Variants in ZNF140 observed in about 807,000 individuals in gnomAD.
ZNF140 encodes zinc finger protein 140.
ZNF140 carries 13 observed loss-of-function variants against 12.9 expected under a neutral mutation model. That is an observed-to-expected ratio of 1.01 (90% CI 0.66 to 1.60). The LOEUF (loss-of-function observed/expected upper bound fraction) is 1.60, where lower values mean the gene tolerates loss of function less well. Ranked by LOEUF, ZNF140 falls within the 40% of genes most tolerant of loss-of-function variation. ZNF140 has a pLI of 0.00. For missense variants in ZNF140, 531 were observed against 548.8 expected (o/e 0.97, Z 0.32); for synonymous variants, 214 against 186.7 (o/e 1.15, Z -1.19).
Position 133,097,055 on chromosome 12 carries a change from A to G in ZNF140, c.233-8455A>G, listed in dbSNP as rs555239214. Among the ~76,000 whole-genome samples the G allele has an allele frequency of 8.5e-5, 13 of 152,352 alleles. No homozygotes were observed. In the South Asian group the frequency reaches 2.7e-3, roughly 32 times the overall value. Reference sequence around the variant, plus strand: ...GTTTGTTGTTAGGCACATGCACACTAAGGATTTTTATGATTTCTTTCTTGG... The same window carrying G: ...GTTTGTTGTTAGGCACATGCACACTGAGGATTTTTATGATTTCTTTCTTGG... On this transcript the variant is annotated intron_variant, in intron 4 of 4. Transcript: ENST00000355557.
chr12:133,091,055 T>C lies in ZNF140; in HGVS notation c.232+7494T>C, dbSNP rs894634947. Among the ~76,000 whole-genome samples the C allele has an allele frequency of 2.2e-3, 328 of 149,246 alleles. 13 individuals are homozygous for C. The highest frequency in any genetic ancestry group is 7.1e-3 in the African/African-American group (286 of 40,400). On this transcript the variant is annotated intron_variant, in intron 4 of 4. Coordinates refer to ENST00000355557, the MANE Select transcript of ZNF140 (RefSeq NM_003440.4). The stretch of plus-strand genomic sequence containing the variant: ...CAGACAGGAGACAGTGGCCTTCCTC[T>C]ATCTCAACTGCAAGAGGCTTTCCTC...
intron 4 of ZNF140, among the ~76,000 whole-genome samples, chr12:133,104,836 T>G (rs1955525521): frequency 1.3e-5 from 2 of 152,308 alleles, no homozygotes; most frequent in East Asian, 1.9e-4. Flanking sequence ...TAAAGGTTAC[T>G]CATGTTACAT....
At chr12:133,101,502 T>G (rs1319455272) in intron 4 of ZNF140, among the ~76,000 whole-genome samples, 2 of 152,348 alleles carry the variant, frequency 1.3e-5, no homozygotes, top group South Asian at 2.1e-4. Context: ...TGGAGTGCAG[T>G]GGCGCGATCT....
At chr12:133,082,775 TA>T in intron 2 of ZNF140, 1 of 198,754 alleles carries the variant, frequency 5.0e-6, no homozygotes, top group Admixed American at 5.2e-5. Context: ...ATACATTGTT[TA>T]TTAACATAAA....
intron 4 of ZNF140, among the ~76,000 whole-genome samples, chr12:133,085,068 A>G (rs1308883800): frequency 6.6e-6 from 1 of 150,958 alleles, no homozygotes; most frequent in East Asian, 1.9e-4. Context: ...CTTGCCCCCT[A>G]GGCTGGAGTG....
chr12:133,099,753 A>G (rs1955268077), intron 4 of ZNF140, among the ~76,000 whole-genome samples: 1 of 152,212 alleles, frequency 6.6e-6, no homozygotes, highest in African/African-American at 2.4e-5. Context: ...TTCTTCATGT[A>G]GGTCTGAGTT....
At chr12:133,104,025 A>G (rs1472496895) in intron 4 of ZNF140, among the ~76,000 whole-genome samples, 1 of 152,250 alleles carries the variant, frequency 6.6e-6, no homozygotes, top group Non-Finnish European at 1.5e-5. Flanking sequence ...TATGAATTAA[A>G]TATTTCATCA....
intron 4 of ZNF140, among the ~76,000 whole-genome samples, chr12:133,089,780 T>C (rs1954795022): frequency 6.6e-6 from 1 of 152,172 alleles, no homozygotes; most frequent in Admixed American, 6.5e-5. Flanking sequence ...TTTAATTATC[T>C]TTTCAGAGAA....
At chr12:133,090,072 C>T (rs1433235357) in intron 4 of ZNF140, among the ~76,000 whole-genome samples, 2 of 152,144 alleles carry the variant, frequency 1.3e-5, no homozygotes, top group East Asian at 3.9e-4. Context: ...TGGTCTTGAA[C>T]TCCTGACCTC....
chr12:133,083,231 T>TA lies in ZNF140; in HGVS notation c.136+4dup, dbSNP rs1339803432. 1.2e-6 allele frequency: 2 copies of TA among 1,608,528 alleles called. No homozygotes were observed. Among genetic ancestry groups the TA allele is most frequent in the African/African-American group, 2.7e-5 (2 of 74,734 alleles). Reference sequence around the variant, plus strand: ...ACTATGGCCATCTGGTCTCACTGGGTAAGTATTCTTCTTCATCTCCCTCAA... The same window carrying TA: ...ACTATGGCCATCTGGTCTCACTGGGTAAAGTATTCTTCTTCATCTCCCTCAA... On this transcript the variant is annotated splice_region_variant and intron_variant, in intron 3 of 4. Transcript: ENST00000355557.
At chr12:133,090,923 T>C (rs910983382) in intron 4 of ZNF140, among the ~76,000 whole-genome samples, 19 of 144,696 alleles carry the variant, frequency 1.3e-4, no homozygotes, top group South Asian at 6.7e-4. Flanking sequence ...CAAGGCAGCA[T>C]TACTGCAAAC....
chr12:133,081,803 A>G (rs1046798431), intron 2 of ZNF140: 11 of 247,284 alleles, frequency 4.4e-5, no homozygotes, highest in Non-Finnish European at 8.2e-5. Context: ...TCATTTATTC[A>G]ATATGTTTTT....
rs1330925381 is a variant in ZNF140 at position 133,105,568 on chromosome 12, C to G, written c.291C>G (p.Asp97Glu). 2.5e-6 allele frequency: 4 copies of G among 1,613,772 alleles called. No individual in the cohort carries two copies. In the South Asian group the frequency reaches 3.3e-5, roughly 13 times the overall value. ...CACCAAAAAATGTCATTTATGATGA[C>G]TCATCCCAGTATTTGATCATGGAAA... ...DFSPKNVIYD[D>E]SSQYLIMERI... The change falls in exon 5 of 5, where the codon GAC (aspartate) becomes GAG (glutamate). Residue 97 changes from aspartate (D) to glutamate (E), a missense_variant. By Grantham distance (45) the Asp-to-Glu change is conservative (BLOSUM62 2). Transcript: ENST00000355557.
At chr12:133,081,244 C>T (rs1165202760) in intron 1 of ZNF140, 29 bp from the exon 2 acceptor site, 17 of 1,346,424 alleles carry the variant, frequency 1.3e-5, no homozygotes, top group Non-Finnish European at 1.8e-5. Context: ...CTGGCCTGTT[C>T]GCTCAGGGCT....
intron 4 of ZNF140, chr12:133,084,062 C>T: frequency 2.7e-6 from 1 of 364,992 alleles, no homozygotes; most frequent in Non-Finnish European, 5.2e-6. Context: ...TATTACCTAA[C>T]AGCTGACATA....
In ZNF140 at chr12:133,107,414, T is replaced by G; in HGVS notation, c.*763T>G. On this transcript the variant is annotated 3_prime_UTR_variant, in exon 5 of 5. Transcript: ENST00000355557. ...TCAGAAAATGTTATAAATAAATCTTTTGGTTTATTATAAACCTTCTGCTTG... is the reference window on the plus strand; with the variant it reads ...TCAGAAAATGTTATAAATAAATCTTGTGGTTTATTATAAACCTTCTGCTTG... The G allele has an allele frequency of 6.8e-6, 1 of 148,110 alleles. No individual in the cohort carries two copies. The highest frequency in any genetic ancestry group is 1.5e-5 in the Non-Finnish European group (1 of 67,998). The allele number at this position is 148,110 out of a possible 1,614,324, so 9.2% of individuals were successfully genotyped here. A position where few individuals can be genotyped will look rare whatever the true frequency, so the allele number is the denominator to read the frequency against.
chr12:133,097,408 C>A (rs1955167317), intron 4 of ZNF140, among the ~76,000 whole-genome samples: 1 of 151,956 alleles, frequency 6.6e-6, no homozygotes, highest in Non-Finnish European at 1.5e-5. Flanking sequence ...CTATGGGAGG[C>A]CAAGGTGGGC....
chr12:133,105,843 A>G lies in ZNF140; in HGVS notation c.566A>G (p.Tyr189Cys), dbSNP rs1229675525. 3.1e-6 allele frequency: 5 copies of G among 1,614,208 alleles called. No homozygotes were observed. Among genetic ancestry groups the G allele is most frequent in the South Asian group, 1.1e-5 (1 of 91,084 alleles). Reference protein sequence around the residue: ...HQRTHTGEKPYACKECGKTFS... With the variant: ...HQRTHTGEKPCACKECGKTFS... ...AGGACTCATACTGGAGAGAAACCAT[A>G]TGCATGTAAGGAATGTGGCAAAACC... is the stretch of plus-strand genomic sequence containing the variant. The change falls in exon 5 of 5, where the codon TAT (tyrosine) becomes TGT (cysteine). Residue 189 changes from tyrosine (Y) to cysteine (C), a missense_variant. Physicochemically the swap from Tyr to Cys is radical, Grantham distance 194. Transcript: ENST00000355557.
At chr12:133,085,270 G>A (rs779495770) in intron 4 of ZNF140, among the ~76,000 whole-genome samples, 25 of 152,220 alleles carry the variant, frequency 1.6e-4, no homozygotes, top group Non-Finnish European at 3.1e-4. Flanking sequence ...TGATCTGCCC[G>A]CCTAGGCCTC....
Sources: gnomAD v4.1 joint callset for allele counts (sites outside exome capture counted in the v4.1 genomes callset) on GRCh38, gnomAD v4.1.1 for gene constraint, MANE v1.5 for transcripts, NCBI Gene and HGNC (gene_info 2026-07-23, HGNC 2026-07-21) for gene names.